TLL1: variants seen among roughly 807,000 people sequenced by gnomAD.
TLL1 encodes tolloid like 1.
TLL1 carries 49 observed loss-of-function variants against 128.2 expected under a neutral mutation model. That is an observed-to-expected ratio of 0.38 (90% CI 0.30 to 0.48). The LOEUF (loss-of-function observed/expected upper bound fraction) is 0.48. Ranked by LOEUF, TLL1 falls within the 20% of genes least tolerant of loss-of-function variation. The pLI is 0.96. For missense variants in TLL1, 1,123 were observed against 1,242.0 expected, an observed-to-expected ratio of 0.90 and a Z score of 1.44; for synonymous variants, 454 against 418.8, an observed-to-expected ratio of 1.08 and a Z score of -1.03.
intron 1 of TLL1, among the ~76,000 whole-genome samples, chr4:165,914,621 G>A (rs573732870): frequency 1.3e-5 from 2 of 152,270 alleles, no homozygotes; most frequent in South Asian, 4.1e-4. Flanking sequence ...CATAGCAAAC[G>A]GTATGGAATT....
At chr4:165,960,312 C>T (rs1206176382) in intron 1 of TLL1, among the ~76,000 whole-genome samples, 1 of 151,884 alleles carries the variant, frequency 6.6e-6, no homozygotes, top group Admixed American at 6.6e-5. Flanking sequence ...GAAACTGAAT[C>T]AATAGCAAAA....
chr4:166,045,286 C>A (rs1739413978), intron 12 of TLL1, among the ~76,000 whole-genome samples: 1 of 152,052 alleles, frequency 6.6e-6, no homozygotes, highest in Non-Finnish European at 1.5e-5. Context: ...CAAAACCGAA[C>A]CCTTGCTTAT....
Position 166,074,215 on chromosome 4 carries a change from C to T in TLL1, c.2189-663C>T, listed in dbSNP as rs17633624. Among the ~76,000 whole-genome samples, 426 of 151,872 alleles carry T rather than the reference C, an allele frequency of 2.8e-3. 7 individuals are homozygous for T. The East Asian group carries it at 0.067, about 24-fold the overall frequency. ...TTTTAGGGGATGACTTATTAATAAA[C>T]TTGTCTACCAGAGTAGATTTGTTTA... On this transcript the variant is annotated intron_variant, in intron 16 of 20. Coordinates refer to ENST00000061240, the MANE Select transcript of TLL1 (RefSeq NM_012464.5).
At chr4:166,059,957 T>C in intron 14 of TLL1, 71 bp from the exon 15 acceptor site, 1 of 1,575,800 alleles carries the variant, frequency 6.3e-7, no homozygotes, top group Non-Finnish European at 8.7e-7. Context: ...TGGGTATTAA[T>C]TAATGGACAG....
intron 7 of TLL1, among the ~76,000 whole-genome samples, chr4:166,010,094 T>C (rs1425650027): frequency 6.6e-6 from 1 of 151,458 alleles, no homozygotes; most frequent in Non-Finnish European, 1.5e-5. Context: ...TGTGATTGGC[T>C]TATTTCACTC....
intron 9 of TLL1, among the ~76,000 whole-genome samples, chr4:166,037,863 A>C (rs558534663): frequency 6.6e-6 from 1 of 152,116 alleles, no homozygotes; most frequent in Non-Finnish European, 1.5e-5. Context: ...TTTTTAAAAA[A>C]TTCCACCCCT....
intron 9 of TLL1, 78 bp downstream of exon 9, chr4:166,025,509 T>C (rs1738456145): frequency 6.0e-6 from 7 of 1,164,466 alleles, no homozygotes; most frequent in Non-Finnish European, 8.9e-6. Context: ...ATAAATTTGC[T>C]TTATCCTTTA....
rs969137003 is a variant in TLL1, at chr4:165,936,369, G to A, written c.170-53012G>A. 4.3e-4 allele frequency among the ~76,000 whole-genome samples: 65 copies of A among 151,174 alleles called. No individual in the cohort carries two copies. In the East Asian group the frequency reaches 0.01, roughly 24 times the overall value. On this transcript the variant is annotated intron_variant, in intron 1 of 20. Transcript: ENST00000061240. ...CAAGTAGCTGGAATTACAGGCATGCGCCACCATGTCTGGCTAATTTTTAAT... is the reference window on the plus strand; with the variant it reads ...CAAGTAGCTGGAATTACAGGCATGCACCACCATGTCTGGCTAATTTTTAAT...
At chr4:165,936,202 A>T (rs1256636381) in intron 1 of TLL1, among the ~76,000 whole-genome samples, 2 of 142,330 alleles carry the variant, frequency 1.4e-5, no homozygotes, top group African/African-American at 5.3e-5. Context: ...ATATATATAT[A>T]TATATTTTTT....
In TLL1 at chr4:165,873,812, A is replaced by G. The variant is rs537830634; in HGVS notation, c.-93A>G. ...GCCGAGGAGCCTCCGGGTGGGGAGA[A>G]GAGCACCGGTGCCCCTAGCCCCGCA... On this transcript the variant is annotated 5_prime_UTR_variant, in exon 1 of 21. Coordinates refer to ENST00000061240, the MANE Select transcript of TLL1 (RefSeq NM_012464.5). The G allele has an allele frequency of 6.2e-6, 9 of 1,455,624 alleles. No individual in the cohort carries two copies. The African/African-American group carries it at 8.4e-5, about 14-fold the overall frequency. 90.2% of individuals were successfully genotyped at this position (1,455,624 alleles called of 1,614,324 possible).
At chr4:166,087,936 C>T (rs551150659) in intron 18 of TLL1, among the ~76,000 whole-genome samples, 2 of 152,200 alleles carry the variant, frequency 1.3e-5, no homozygotes, top group African/African-American at 4.8e-5. Context: ...GACTAGGGCC[C>T]ATGGTTATTC....
chr4:165,982,452 T>C (rs2110998572), intron 1 of TLL1, among the ~76,000 whole-genome samples: 1 of 151,716 alleles, frequency 6.6e-6, no homozygotes, highest in East Asian at 1.9e-4. Flanking sequence ...TTTCAGAGAG[T>C]CAGTGAGTTT....
At chr4:166,060,262 A>C in intron 15 of TLL1, 74 bp downstream of exon 15, 1 of 1,494,582 alleles carries the variant, frequency 6.7e-7, no homozygotes, top group Non-Finnish European at 9.3e-7. Flanking sequence ...AAATTAAAAA[A>C]AAAAAAGATG....
intron 1 of TLL1, among the ~76,000 whole-genome samples, chr4:165,886,749 T>A (rs1458335260): frequency 6.6e-6 from 1 of 152,192 alleles, no homozygotes; most frequent in East Asian, 1.9e-4. Flanking sequence ...AAATTCATAT[T>A]TTTTAACCAT....
intron 1 of TLL1, among the ~76,000 whole-genome samples, chr4:165,918,340 G>T (rs2110884232): frequency 6.6e-6 from 1 of 152,212 alleles, no homozygotes; most frequent in Admixed American, 6.5e-5. Context: ...AGAATCTCTG[G>T]AGTCAAGGAA....
At chr4:165,931,276 T>C (rs1579502391) in intron 1 of TLL1, among the ~76,000 whole-genome samples, 1 of 152,336 alleles carries the variant, frequency 6.6e-6, no homozygotes, top group South Asian at 2.1e-4. Flanking sequence ...GAGAGTTATC[T>C]TGAATAGGAA....
chr4:166,027,624 C>A (rs187431053), intron 9 of TLL1, among the ~76,000 whole-genome samples: 1 of 152,136 alleles, frequency 6.6e-6, no homozygotes, highest in Admixed American at 6.6e-5. Flanking sequence ...TATTTAAGTT[C>A]TTTTAACAAG....
chr4:165,949,516 T>A (rs756915512), intron 1 of TLL1, among the ~76,000 whole-genome samples: 9 of 152,142 alleles, frequency 5.9e-5, no homozygotes, highest in Admixed American at 2.6e-4. Flanking sequence ...CTCATACAAC[T>A]GTATTAGTCC....
chr4:166,042,951 C>T (rs1161934935), intron 11 of TLL1, among the ~76,000 whole-genome samples: 1 of 152,222 alleles, frequency 6.6e-6, no homozygotes, highest in East Asian at 1.9e-4. Context: ...AAGGAAGCAG[C>T]TCAGAGAATC....
Sources: gnomAD v4.1 joint callset for allele counts (sites outside exome capture counted in the v4.1 genomes callset) on GRCh38, gnomAD v4.1.1 for gene constraint, MANE v1.5 for transcripts, NCBI Gene and HGNC (gene_info 2026-07-23, HGNC 2026-07-21) for gene names.